Variants in PACRG observed in about 807,000 individuals in gnomAD.
PACRG encodes parkin coregulated.
In PACRG, 29 loss-of-function variants were observed where a neutral mutation model predicts 29.7. The ratio of observed to expected loss-of-function variants is 0.98; its 90% CI spans 0.73 to 1.33. The LOEUF is 1.33. PACRG is among the 40% of genes most tolerant of loss of function. The probability of loss-of-function intolerance (pLI) is 0.00; values close to 1 mark genes in which losing one functional copy is unlikely to be tolerated. For missense variants in PACRG, 279 were observed against 316.2 expected, an observed-to-expected ratio of 0.88 and a Z score of 0.89; for synonymous variants, 116 against 118.7, an observed-to-expected ratio of 0.98 and a Z score of 0.15.
At chr6:162,829,645 A>G (rs781644371) in intron 2 of PACRG, among the ~76,000 whole-genome samples, 1 of 152,148 alleles carries the variant, frequency 6.6e-6, no homozygotes, top group Non-Finnish European at 1.5e-5. Flanking sequence ...TGAAAAATTC[A>G]TATTACCTAG....
chr6:163,272,952 C>T (rs960400677), intron 4 of PACRG, among the ~76,000 whole-genome samples: 9 of 120,868 alleles, frequency 7.4e-5, no homozygotes, highest in Non-Finnish European at 9.6e-5. Flanking sequence ...AGTGCAGTGG[C>T]GGGATCTCGG....
chr6:162,995,553 AC>A (rs1803940783), intron 2 of PACRG, among the ~76,000 whole-genome samples: 1 of 151,808 alleles, frequency 6.6e-6, no homozygotes, highest in African/African-American at 2.4e-5. Flanking sequence ...GAACTCCCTG[AC>A]CCCTTGCGCT....
intron 4 of PACRG, among the ~76,000 whole-genome samples, chr6:163,120,459 A>G (rs188281951): frequency 2.4e-3 from 370 of 152,238 alleles, no homozygotes; most frequent in African/African-American, 8.5e-3. Context: ...AAAGGATCCT[A>G]TTAGAGTTTG....
chr6:163,307,292 G>A (rs1424916148), intron 4 of PACRG, among the ~76,000 whole-genome samples: 1 of 152,176 alleles, frequency 6.6e-6, no homozygotes. Context: ...TAGTGCTTTA[G>A]TGACCCAGCC....
intron 2 of PACRG, among the ~76,000 whole-genome samples, chr6:162,925,394 A>G (rs1399000886): frequency 6.6e-6 from 1 of 152,186 alleles, no homozygotes; most frequent in Non-Finnish European, 1.5e-5. Context: ...TCCCTGATGA[A>G]CGTTACTACA....
At chr6:163,176,553 G>A (rs1008123936) in intron 4 of PACRG, among the ~76,000 whole-genome samples, 2 of 152,006 alleles carry the variant, frequency 1.3e-5, no homozygotes, top group Non-Finnish European at 2.9e-5. Flanking sequence ...AGAAAGAAAG[G>A]GGGGAGGGAA....
intron 4 of PACRG, among the ~76,000 whole-genome samples, chr6:163,225,626 C>T (rs919364576): frequency 6.6e-6 from 1 of 152,154 alleles, no homozygotes; most frequent in South Asian, 2.1e-4. Flanking sequence ...TAAATTAGTA[C>T]AGCCATTATG....
In PACRG at chr6:163,224,441, A is replaced by G. The variant is rs186073033; in HGVS notation, c.614-90386A>G. On this transcript the variant is annotated intron_variant, in intron 4 of 4. Coordinates refer to ENST00000366888, the MANE Select transcript of PACRG (RefSeq NM_001080379.2). ...ACTGCCTGATTTCCAAATACACTAC[A>G]AAGATATAATAATCAAAACAGCATG... 1.3e-5 allele frequency among the ~76,000 whole-genome samples: 2 copies of G among 151,840 alleles called. 1 individual carries two copies. The highest frequency in any genetic ancestry group is 2.9e-5 in the Non-Finnish European group (2 of 67,964).
intron 1 of PACRG, among the ~76,000 whole-genome samples, chr6:162,751,479 CTT>C (rs5881495): frequency 6.7e-6 from 1 of 148,188 alleles, no homozygotes. Context: ...GTTCTGAAAT[CTT>C]TTTTTTTTGT....
chr6:163,216,689 A>G (rs1031924096), intron 4 of PACRG, among the ~76,000 whole-genome samples: 12 of 152,188 alleles, frequency 7.9e-5, no homozygotes, highest in Non-Finnish European at 1.5e-4. Flanking sequence ...ACATATGCAC[A>G]TGTACACACA....
At position 163,201,954 on chromosome 6, in the gene PACRG, C is replaced by T. The variant is rs139169628; in HGVS notation, c.613+112546C>T. On this transcript the variant is annotated intron_variant, in intron 4 of 4. Transcript: ENST00000366888. ...TTTGGGGGAAGTTCAGAGGAGTGAG[C>T]GGGCCTCCCTGGGGGGCTTCCCAGA... 4.8e-3 allele frequency among the ~76,000 whole-genome samples: 728 copies of T among 152,264 alleles called. 4 individuals are homozygous for T. Among genetic ancestry groups the T allele is most frequent in the African/African-American group, 0.016 (682 of 41,540 alleles).
chr6:163,312,214 G>A (rs1294895321), intron 4 of PACRG, among the ~76,000 whole-genome samples: 1 of 152,148 alleles, frequency 6.6e-6, no homozygotes, highest in Non-Finnish European at 1.5e-5. Context: ...ATAATTTGGG[G>A]AGAAGGGGCA....
intron 4 of PACRG, among the ~76,000 whole-genome samples, chr6:163,214,690 A>AT (rs1562320343): frequency 2.0e-5 from 3 of 151,958 alleles, no homozygotes; most frequent in Non-Finnish European, 4.4e-5. Context: ...ATGTAGGTAT[A>AT]TTTTGTAATC....
At chr6:162,995,974 G>T (rs1483823393) in intron 2 of PACRG, among the ~76,000 whole-genome samples, 1 of 152,152 alleles carries the variant, frequency 6.6e-6, no homozygotes, top group Non-Finnish European at 1.5e-5. Context: ...TTGATTGCTG[G>T]ATCATGTGAT....
intron 4 of PACRG, among the ~76,000 whole-genome samples, chr6:163,216,765 C>T (rs1230301991): frequency 1.3e-5 from 2 of 152,114 alleles, no homozygotes; most frequent in Non-Finnish European, 2.9e-5. Context: ...CTATATTTTC[C>T]CCCAATTTGC....
intron 4 of PACRG, among the ~76,000 whole-genome samples, chr6:163,264,483 A>C (rs1207788853): frequency 1.3e-5 from 2 of 152,200 alleles, no homozygotes; most frequent in Non-Finnish European, 2.9e-5. Context: ...CACTGTGTGC[A>C]CTCAGCCCAT....
chr6:162,771,214 C>A (rs1010651328), intron 1 of PACRG, among the ~76,000 whole-genome samples: 3 of 152,044 alleles, frequency 2.0e-5, no homozygotes, highest in African/African-American at 4.8e-5. Context: ...AACTTAAATT[C>A]TTGGGTAGAA....
chr6:162,957,895 G>C (rs796926494), intron 2 of PACRG, among the ~76,000 whole-genome samples: 29 of 152,228 alleles, frequency 1.9e-4, no homozygotes, highest in African/African-American at 6.0e-4. Context: ...AGACAGGCCA[G>C]GTATGTTACT....
chr6:163,214,362 C>T (rs959585187), intron 4 of PACRG, among the ~76,000 whole-genome samples: 10 of 152,042 alleles, frequency 6.6e-5, no homozygotes, highest in African/African-American at 1.4e-4. Context: ...TATTCTCACA[C>T]GTTTATTTTT....
Sources: gnomAD v4.1 joint callset for allele counts (sites outside exome capture counted in the v4.1 genomes callset) on GRCh38, gnomAD v4.1.1 for gene constraint, MANE v1.5 for transcripts, NCBI Gene and HGNC (gene_info 2026-07-23, HGNC 2026-07-21) for gene names.